The following ERC2 variants were observed in gnomAD, a reference collection of about 807,000 sequenced individuals.
The protein encoded by ERC2 is ELKS/RAB6-interacting/CAST family member 2, also known as ERC protein 2.
Under a neutral mutation model 114.8 loss-of-function variants are expected in ERC2, and 42 were observed. The ratio of observed to expected loss-of-function variants is 0.37; its 90% CI spans 0.29 to 0.47. The LOEUF (loss-of-function observed/expected upper bound fraction) is 0.47. ERC2 is among the 20% of genes least tolerant of loss of function. The pLI is 0.99. For missense variants in ERC2, 939 were observed against 1,150.7 expected (o/e 0.82, Z 2.66); for synonymous variants, 454 against 425.5 (o/e 1.07, Z -0.82).
At chr3:56,026,232 T>C (rs1486600135) in intron 7 of ERC2, among the ~76,000 whole-genome samples, 2 of 151,994 alleles carry the variant, frequency 1.3e-5, no homozygotes, top group Non-Finnish European at 2.9e-5. Context: ...GTATTTTTAG[T>C]AGAGATGGGG....
intron 17 of ERC2, among the ~76,000 whole-genome samples, chr3:55,570,258 C>T (rs1409717753): frequency 6.6e-6 from 1 of 152,022 alleles, no homozygotes; most frequent in African/African-American, 2.4e-5. Flanking sequence ...AAAATTGGTT[C>T]TTGTCCTGGT....
chr3:56,252,300 T>G (rs1403385285), intron 3 of ERC2, among the ~76,000 whole-genome samples: 1 of 152,234 alleles, frequency 6.6e-6, no homozygotes, highest in East Asian at 1.9e-4. Flanking sequence ...GTTTTATTGT[T>G]ATAGTTTTGT....
intron 11 of ERC2, 44 bp downstream of exon 11, chr3:55,992,013 C>T (rs775864596): frequency 6.4e-7 from 1 of 1,569,426 alleles, no homozygotes; most frequent in East Asian, 2.2e-5. Context: ...CCACGCAGTC[C>T]ATGTTCTCTC....
At chr3:56,011,511 T>A (rs1272488243) in intron 8 of ERC2, among the ~76,000 whole-genome samples, 1 of 151,880 alleles carries the variant, frequency 6.6e-6, no homozygotes, top group Admixed American at 6.6e-5. Context: ...TTCAAGGAGG[T>A]CTGCCTTTGA....
chr3:55,888,718 C>T (rs1328925973), intron 13 of ERC2, among the ~76,000 whole-genome samples, 169 bp from the exon 14 acceptor site: 1 of 152,116 alleles, frequency 6.6e-6, no homozygotes, highest in Non-Finnish European at 1.5e-5. Context: ...TATGAAAATG[C>T]AAATGCCTAA....
rs1314444765 is a variant in ERC2, at chr3:56,217,477, C to G, written c.1075-43957G>C. Among the ~76,000 whole-genome samples the G allele has an allele frequency of 2.2e-3, 339 of 151,896 alleles. 2 individuals carry two copies. The highest frequency in any genetic ancestry group is 7.6e-3 in the African/African-American group (315 of 41,340). The stretch of plus-strand genomic sequence containing the variant: ...AGGAGAACTACAAACCACTGCTCGA[C>G]AAAATAAAAGAGGATACAAACAAAT... On this transcript the variant is annotated intron_variant, in intron 3 of 17. Coordinates refer to ENST00000288221, the MANE Select transcript of ERC2 (RefSeq NM_015576.3).
intron 17 of ERC2, among the ~76,000 whole-genome samples, chr3:55,678,564 T>A (rs2148761963): frequency 6.6e-6 from 1 of 152,318 alleles, no homozygotes; most frequent in African/African-American, 2.4e-5. Flanking sequence ...AATCTCCTTT[T>A]CTTCAAGAGT....
intron 10 of ERC2, 93 bp from the exon 11 acceptor site, chr3:55,992,343 G>A (rs2071143684): frequency 1.7e-6 from 2 of 1,152,916 alleles, no homozygotes; most frequent in Middle Eastern, 2.2e-4. Flanking sequence ...TAACTTTGGA[G>A]AGAAAATCAC....
chr3:55,542,023 T>C (rs1419678484), intron 17 of ERC2, among the ~76,000 whole-genome samples: 1 of 152,218 alleles, frequency 6.6e-6, no homozygotes, highest in African/African-American at 2.4e-5. Context: ...ATCTTCATAG[T>C]AATTCTGCAG....
chr3:55,525,123 G>A (rs1281039389), intron 17 of ERC2, among the ~76,000 whole-genome samples: 3 of 152,314 alleles, frequency 2.0e-5, no homozygotes, highest in South Asian at 2.1e-4. Flanking sequence ...CTGAGTATTG[G>A]CTTGGGTTGA....
intron 7 of ERC2, among the ~76,000 whole-genome samples, chr3:56,032,905 A>G (rs866182278): frequency 3.0e-3 from 128 of 43,156 alleles, no homozygotes; most frequent in Middle Eastern, 0.017. Flanking sequence ...GAGAGACAGA[A>G]AGAAAGAAAG....
chr3:55,727,148 A>C (rs77338906), intron 15 of ERC2, among the ~76,000 whole-genome samples: 5,016 of 152,288 alleles, frequency 0.033, 266 homozygotes, highest in African/African-American at 0.11. Context: ...TTTTGATGTC[A>C]GTCCTTTTTT....
At chr3:55,793,940 C>G in intron 14 of ERC2, among the ~76,000 whole-genome samples, 1 of 152,100 alleles carries the variant, frequency 6.6e-6, no homozygotes, top group East Asian at 1.9e-4. Context: ...AGAAATAGTG[C>G]CAGATCTCTG....
chr3:55,570,778 G>C (rs1440449385), intron 17 of ERC2, among the ~76,000 whole-genome samples: 1 of 152,092 alleles, frequency 6.6e-6, no homozygotes, highest in East Asian at 1.9e-4. Context: ...TGTTTTCCTT[G>C]CTTTTGACAG....
At chr3:56,431,165 A>T (rs765055665) in intron 2 of ERC2, among the ~76,000 whole-genome samples, 3 of 152,226 alleles carry the variant, frequency 2.0e-5, no homozygotes, top group Non-Finnish European at 2.9e-5. Flanking sequence ...CCCTCAACAA[A>T]TGTCTACTGG....
At chr3:55,578,382 T>C (rs1049901090) in intron 17 of ERC2, among the ~76,000 whole-genome samples, 5 of 152,170 alleles carry the variant, frequency 3.3e-5, no homozygotes, top group African/African-American at 1.2e-4. Context: ...TTCACTGTGC[T>C]CCAGGAAAGC....
intron 3 of ERC2, among the ~76,000 whole-genome samples, chr3:56,207,589 T>C (rs979292411): frequency 3.9e-5 from 6 of 152,170 alleles, no homozygotes; most frequent in African/African-American, 1.4e-4. Flanking sequence ...ATAATTATCA[T>C]TGTGATTCTT....
chr3:56,270,692 G>A (rs994679759), intron 3 of ERC2, among the ~76,000 whole-genome samples: 1 of 152,206 alleles, frequency 6.6e-6, no homozygotes, highest in Non-Finnish European at 1.5e-5. Context: ...TAAAAGACCA[G>A]CCATGGGCAG....
At chr3:55,807,302 G>A (rs193248495) in intron 14 of ERC2, among the ~76,000 whole-genome samples, 52 of 152,276 alleles carry the variant, frequency 3.4e-4, no homozygotes, top group Non-Finnish European at 6.8e-4. Flanking sequence ...GACTATGTTC[G>A]TGCCAATATA....
Sources: gnomAD v4.1 joint callset for allele counts (sites outside exome capture counted in the v4.1 genomes callset) on GRCh38, gnomAD v4.1.1 for gene constraint, MANE v1.5 for transcripts, NCBI Gene and HGNC (gene_info 2026-07-23, HGNC 2026-07-21) for gene names.